The following ANO4 variants were observed in gnomAD, a reference collection of about 807,000 sequenced individuals.
ANO4 encodes the protein anoctamin-4.
In ANO4, 69 loss-of-function variants were observed where a neutral mutation model predicts 141.9. The observed-to-expected ratio is 0.49, with a 90% CI of 0.40 to 0.59. The LOEUF is 0.59. Among genes scored for constraint, ANO4 ranks in the 20% least tolerant of loss-of-function variants. The pLI is 0.00. For missense variants in ANO4, 894 were observed against 1,162.2 expected, an observed-to-expected ratio of 0.77 and a Z score of 3.36; for synonymous variants, 350 against 394.3, an observed-to-expected ratio of 0.89 and a Z score of 1.33.
intron 3 of ANO4, among the ~76,000 whole-genome samples, chr12:100,779,997 TTTA>T (rs1300237836): frequency 1.3e-5 from 2 of 152,130 alleles, no homozygotes; most frequent in African/African-American, 4.8e-5. Context: ...TCTTAAAGCT[TTTA>T]ACTTACAAAC....
rs200970534 is a variant in ANO4 at position 100,898,572 on chromosome 12, A to AT, written c.-140-3068dup. Among the ~76,000 whole-genome samples, 1,169 of 152,088 alleles carry AT rather than the reference A, an allele frequency of 7.7e-3. 15 individuals carry two copies. Among genetic ancestry groups the AT allele is most frequent in the African/African-American group, 0.027 (1,103 of 41,474 alleles). On this transcript the variant is annotated intron_variant, in intron 1 of 27. Coordinates refer to ENST00000392977, the MANE Select transcript of ANO4 (RefSeq NM_001286615.2). ...TCTTGAATTATTTTTTATTTTTAAC[A>AT]TTTTTTGCTATGATCTACATTATTA...
At chr12:100,835,849 GACTTC>G (rs2036883496) in intron 1 of ANO4, among the ~76,000 whole-genome samples, 1 of 152,060 alleles carries the variant, frequency 6.6e-6, no homozygotes, top group Non-Finnish European at 1.5e-5. Context: ...CTTCCATGAT[GACTTC>G]TTGAATTGTG....
chr12:101,059,632 T>C (rs1186619100), intron 14 of ANO4, among the ~76,000 whole-genome samples: 1 of 152,194 alleles, frequency 6.6e-6, no homozygotes, highest in Non-Finnish European at 1.5e-5. Context: ...TCCAGGAATT[T>C]ATCCATTTCT....
At chr12:101,123,145 A>C (rs1165904083) in intron 26 of ANO4, among the ~76,000 whole-genome samples, 2 of 152,164 alleles carry the variant, frequency 1.3e-5, no homozygotes, top group African/African-American at 2.4e-5. Context: ...CTTCAAGACT[A>C]TTCTATCACT....
intron 1 of ANO4, among the ~76,000 whole-genome samples, chr12:100,805,142 A>G (rs1193062864): frequency 6.6e-6 from 1 of 152,152 alleles, no homozygotes; most frequent in Non-Finnish European, 1.5e-5. Context: ...GTAAAGAAGG[A>G]GTCCATTTTC....
At chr12:100,968,520 G>A (rs2043782426) in intron 5 of ANO4, among the ~76,000 whole-genome samples, 1 of 151,962 alleles carries the variant, frequency 6.6e-6, no homozygotes, top group Non-Finnish European at 1.5e-5. Flanking sequence ...TCTCTCATAG[G>A]AAGATGAGTG....
At chr12:100,719,427 C>T (rs2030760402) in intron 1 of ANO4, among the ~76,000 whole-genome samples, 1 of 152,164 alleles carries the variant, frequency 6.6e-6, no homozygotes, top group African/African-American at 2.4e-5. Flanking sequence ...AGATCATTAT[C>T]TGATGAGAGC....
At chr12:100,806,585 C>T (rs2035069782) in intron 1 of ANO4, among the ~76,000 whole-genome samples, 1 of 111,238 alleles carries the variant, frequency 9.0e-6, no homozygotes. Context: ...CGCTCTGTCA[C>T]CCAGGCTGGA....
rs986610706 is a variant in ANO4 at position 101,111,728 on chromosome 12, C to G, written c.2450+18C>G. The G allele has an allele frequency of 6.4e-7, 1 of 1,574,458 alleles. No individual in the cohort carries two copies. Among genetic ancestry groups the G allele is most frequent in the African/African-American group, 1.4e-5 (1 of 73,070 alleles). On this transcript the variant is annotated intron_variant, in intron 24 of 27. Coordinates refer to ENST00000392977, the MANE Select transcript of ANO4 (RefSeq NM_001286615.2). Reference sequence around the variant, plus strand: ...GGGCAAAAGTAAGTTTGCTATAAAACCACTATACAGTTTCTATTTCCTAGC... The same window carrying G: ...GGGCAAAAGTAAGTTTGCTATAAAAGCACTATACAGTTTCTATTTCCTAGC...
At chr12:100,857,755 C>A (rs970178039) in intron 1 of ANO4, among the ~76,000 whole-genome samples, 1 of 152,090 alleles carries the variant, frequency 6.6e-6, no homozygotes, top group South Asian at 2.1e-4. Context: ...AATTGGATTG[C>A]CTCTGAAGCC....
At chr12:101,036,971 G>T in intron 9 of ANO4, 124 bp from the exon 10 acceptor site, 4 of 766,090 alleles carry the variant, frequency 5.2e-6, no homozygotes, top group Middle Eastern at 2.8e-4. Flanking sequence ...CTAACTCTTG[G>T]TGCCCCTAAG....
At chr12:101,116,564 G>A in intron 24 of ANO4, 115 bp from the exon 25 acceptor site, 2 of 1,436,432 alleles carry the variant, frequency 1.4e-6, no homozygotes, top group South Asian at 2.5e-5. Context: ...TGACAAGGAA[G>A]GGCCAGTTAA....
intron 1 of ANO4, among the ~76,000 whole-genome samples, chr12:100,861,791 ATTTCC>A (rs1463533468): frequency 6.6e-6 from 1 of 152,290 alleles, no homozygotes; most frequent in South Asian, 2.1e-4. Context: ...GTACAAAAGT[ATTTCC>A]TTTCATTGCA....
intron 9 of ANO4, among the ~76,000 whole-genome samples, chr12:101,034,696 C>T (rs751014731): frequency 4.6e-5 from 7 of 152,078 alleles, no homozygotes; most frequent in Non-Finnish European, 7.4e-5. Context: ...TATATCTTGC[C>T]TCTAGAATAC....
intron 17 of ANO4, among the ~76,000 whole-genome samples, chr12:101,092,465 A>T (rs1348183905): frequency 6.6e-6 from 1 of 152,176 alleles, no homozygotes; most frequent in Non-Finnish European, 1.5e-5. Flanking sequence ...TTATCTCTCA[A>T]CCGTCTAATG....
intron 3 of ANO4, among the ~76,000 whole-genome samples, chr12:100,935,996 G>A (rs189728678): frequency 3.9e-5 from 6 of 152,192 alleles, no homozygotes; most frequent in African/African-American, 1.2e-4. Context: ...CTGACCACGG[G>A]TTCAGCTGGA....
chr12:100,810,445 AT>A (rs1180030358), intron 1 of ANO4, among the ~76,000 whole-genome samples: 1 of 152,050 alleles, frequency 6.6e-6, no homozygotes, highest in African/African-American at 2.4e-5. Context: ...CCAGGGCATT[AT>A]TTTTCATACG....
intron 14 of ANO4, among the ~76,000 whole-genome samples, chr12:101,051,338 A>C (rs947024868): frequency 1.3e-5 from 2 of 152,130 alleles, no homozygotes; most frequent in Non-Finnish European, 2.9e-5. Flanking sequence ...ACTCTGATGG[A>C]TGTTTTATAA....
chr12:100,942,435 T>C lies in ANO4; in HGVS notation c.356T>C (p.Ile119Thr), dbSNP rs1811773290. The change falls in exon 5 of 28, where the codon ATT becomes ACT. Residue 119 changes from isoleucine (I) to threonine (T), a missense_variant. By Grantham distance (89) the Ile-to-Thr change is moderately conservative. Transcript: ENST00000392977. ...TACTTTCGAGATGGAAAGTGTCGAA[T>C]TGACTACATCCTTGTGTACAGAAAA... is the stretch of plus-strand genomic sequence containing the variant. ...GLYFRDGKCR[I>T]DYILVYRKSN... 2.5e-6 allele frequency: 4 copies of C among 1,614,084 alleles called. No individual in the cohort carries two copies. The highest frequency in any genetic ancestry group is 2.5e-6 in the Non-Finnish European group (3 of 1,179,984).
Sources: gnomAD v4.1 joint callset for allele counts (sites outside exome capture counted in the v4.1 genomes callset) on GRCh38, gnomAD v4.1.1 for gene constraint, MANE v1.5 for transcripts, NCBI Gene and HGNC (gene_info 2026-07-23, HGNC 2026-07-21) for gene names.